SFT2D2: variants seen among roughly 807,000 people sequenced by gnomAD.
The protein encoded by SFT2D2 is vesicle transport protein SFT2B.
Under a neutral mutation model 27.4 loss-of-function variants are expected in SFT2D2, and 21 were observed. The observed-to-expected ratio is 0.77, with a 90% CI of 0.54 to 1.10. The LOEUF is 1.10. Ranked by LOEUF, SFT2D2 falls within the 50% of genes least tolerant of loss-of-function variation. SFT2D2 has a pLI of 0.00. For synonymous variants in SFT2D2, 72 were observed against 71.7 expected (o/e 1.00, Z -0.02); for missense variants, 187 against 194.2 (o/e 0.96, Z 0.22).
Position 168,242,570 on chromosome 1 carries a change from G to A in SFT2D2, c.*30G>A. 2 of 1,614,024 alleles carry A rather than the reference G, an allele frequency of 1.2e-6. No individual in the cohort carries two copies. The highest frequency in any genetic ancestry group is 3.3e-5 in the Admixed American group (2 of 60,028). On this transcript the variant is annotated 3_prime_UTR_variant, in exon 8 of 8. Coordinates refer to ENST00000271375, the MANE Select transcript of SFT2D2 (RefSeq NM_199344.3). Reference sequence around the variant, plus strand: ...TGGCCAGTTTTATGAAGCTTTGGAAGGCACTATGGACAGAAGCTGGTGGAC... The same window carrying A: ...TGGCCAGTTTTATGAAGCTTTGGAAAGCACTATGGACAGAAGCTGGTGGAC...
rs1303687282 is a variant in SFT2D2, at chr1:168,242,778, C to T, written c.*238C>T. 3 of 533,162 alleles carry T rather than the reference C, an allele frequency of 5.6e-6. No individual in the cohort carries two copies. Among genetic ancestry groups the T allele is most frequent in the East Asian group, 3.3e-5 (1 of 30,290 alleles). 33.0% of individuals were successfully genotyped at this position (533,162 alleles called of 1,614,324 possible). A position where few individuals can be genotyped will look rare whatever the true frequency, so the allele number is the denominator to read the frequency against. The stretch of plus-strand genomic sequence containing the variant: ...CTGTATCTTGTGGAGTGGAATCTTC[C>T]TCATGTACCTGTTTCCTCTCTGGAT... On this transcript the variant is annotated 3_prime_UTR_variant, in exon 8 of 8. Coordinates refer to ENST00000271375, the MANE Select transcript of SFT2D2 (RefSeq NM_199344.3).
intron 1 of SFT2D2, among the ~76,000 whole-genome samples, chr1:168,226,405 G>A (rs1397532895): frequency 1.3e-5 from 2 of 152,164 alleles, no homozygotes; most frequent in Non-Finnish European, 2.9e-5. Flanking sequence ...GGACTGAGCT[G>A]CGAGTGGGAG....
chr1:168,240,765 AACCGAGCGTGGTGGCGTGC>A (rs1009269890), intron 7 of SFT2D2, among the ~76,000 whole-genome samples: 1 of 152,046 alleles, frequency 6.6e-6, no homozygotes, highest in Admixed American at 6.5e-5. Context: ...TACCAAAATT[AACCGAGCGTGGTGGCGTGC>A]ACCTGTAATC....
chr1:168,246,615 T>C lies in SFT2D2; in HGVS notation c.*4075T>C, dbSNP rs891786352. ...CCTGTAAATGACGCAATTTATCTAC[T>C]GTGCCCTGGAAATCAAGCTCTTGGT... On this transcript the variant is annotated 3_prime_UTR_variant, in exon 8 of 8. Transcript: ENST00000271375. 3 of 1,465,062 alleles carry C rather than the reference T, an allele frequency of 2.0e-6. No homozygotes were observed. Among genetic ancestry groups the C allele is most frequent in the African/African-American group, 1.4e-5 (1 of 71,984 alleles). The allele number at this position is 1,465,062 out of a possible 1,614,324, so 90.8% of individuals were successfully genotyped here.
At position 168,247,294 on chromosome 1, in the gene SFT2D2, TA is replaced by T; in HGVS notation, c.*4755del. On this transcript the variant is annotated 3_prime_UTR_variant, in exon 8 of 8. Transcript: ENST00000271375. The stretch of plus-strand genomic sequence containing the variant: ...GTGCAGAACATGCGGGTTTGTTACA[TA>T]GGTATACATGTAATGTTATCCCTCC... 1 of 237,242 alleles carries T rather than the reference TA, an allele frequency of 4.2e-6. No individual in the cohort carries two copies. The highest frequency in any genetic ancestry group is 8.1e-6 in the Non-Finnish European group (1 of 122,710). The allele number at this position is 237,242 out of a possible 1,614,324, so 14.7% of individuals were successfully genotyped here.
At chr1:168,226,449 C>G (rs895072962) in intron 1 of SFT2D2, among the ~76,000 whole-genome samples, 1 of 152,164 alleles carries the variant, frequency 6.6e-6, no homozygotes, top group Non-Finnish European at 1.5e-5. Flanking sequence ...CCGGCCCCAC[C>G]GGCCGGGGAA....
Position 168,244,897 on chromosome 1 carries a change from TAATCTC to T in SFT2D2, c.*2359_*2364del, listed in dbSNP as rs1647766887. On this transcript the variant is annotated 3_prime_UTR_variant, in exon 8 of 8. Transcript: ENST00000271375. ...GAACAACCATGCTTTGTTTAAAAAA[TAATCTC>T]AGCAAACTAGGGATACAAGAGAATT... 1 of 152,072 alleles carries T rather than the reference TAATCTC, an allele frequency of 6.6e-6. No homozygotes were observed. Among genetic ancestry groups the T allele is most frequent in the South Asian group, 2.1e-4 (1 of 4,826 alleles). 9.4% of individuals were successfully genotyped at this position (152,072 alleles called of 1,614,324 possible).
Position 168,252,056 on chromosome 1 carries a change from A to T in SFT2D2, c.*9516A>T, listed in dbSNP as rs1005286257. The T allele has an allele frequency of 3.3e-5, 5 of 152,204 alleles. No individual in the cohort carries two copies. The highest frequency in any genetic ancestry group is 7.3e-5 in the Non-Finnish European group (5 of 68,040). 9.4% of individuals were successfully genotyped at this position (152,204 alleles called of 1,614,324 possible). On this transcript the variant is annotated 3_prime_UTR_variant, in exon 8 of 8. Coordinates refer to ENST00000271375, the MANE Select transcript of SFT2D2 (RefSeq NM_199344.3). ...CCTAAATTCATAGTCCCTGATACTT[A>T]AGCTTTACCCTTGGCTTACCAGTTT...
intron 1 of SFT2D2, among the ~76,000 whole-genome samples, chr1:168,230,356 T>C (rs1475824702): frequency 2.0e-5 from 3 of 152,230 alleles, no homozygotes; most frequent in Non-Finnish European, 4.4e-5. Flanking sequence ...TGAATATACA[T>C]GGCCTAGCTG....
At chr1:168,236,477 T>C in intron 4 of SFT2D2, 112 bp from the exon 5 acceptor site, 2 of 1,053,196 alleles carry the variant, frequency 1.9e-6, no homozygotes, top group Non-Finnish European at 2.8e-6. Flanking sequence ...GGTTAACTGC[T>C]TTGAGATGAA....
At chr1:168,233,393 A>G (rs77857842) in intron 3 of SFT2D2, among the ~76,000 whole-genome samples, 1,950 of 152,272 alleles carry the variant, frequency 0.013, 45 homozygotes, top group African/African-American at 0.045. Context: ...CAGTGCAGGT[A>G]GCATTTTATT....
In SFT2D2 at chr1:168,246,315, T is replaced by G. The variant is rs3795609; in HGVS notation, c.*3775T>G. The G allele has an allele frequency of 0.049, 21,482 of 434,382 alleles. 666 individuals carry two copies. The highest frequency in any genetic ancestry group is 0.09 in the Middle Eastern group (128 of 1,428). 26.9% of individuals were successfully genotyped at this position (434,382 alleles called of 1,614,324 possible). On this transcript the variant is annotated 3_prime_UTR_variant, in exon 8 of 8. Coordinates refer to ENST00000271375, the MANE Select transcript of SFT2D2 (RefSeq NM_199344.3). ...AGCTTTGTTGTGAACATCATCCAGT[T>G]GCTGTTGAAGCAACATATTTTGTCT...
intron 3 of SFT2D2, 134 bp from the exon 4 acceptor site, chr1:168,234,967 G>A (rs1217062273): frequency 2.6e-6 from 2 of 771,216 alleles, no homozygotes; most frequent in African/African-American, 1.7e-5. Context: ...TGCACGAAAG[G>A]CCCTTCAGCA....
intron 1 of SFT2D2, among the ~76,000 whole-genome samples, chr1:168,230,565 C>G (rs1572450782): frequency 6.6e-6 from 1 of 151,994 alleles, no homozygotes; most frequent in Non-Finnish European, 1.5e-5. Context: ...CCTCCACCTC[C>G]CAGGTTCAAG....
In SFT2D2 at chr1:168,236,773, A is replaced by AC. The variant is rs1193368095; in HGVS notation, c.413+3_413+4insC. Reference sequence around the variant, plus strand: ...TTGCAGTCTTTGGCATTGACGTGGTAAGTAACCTTTTAAACAATCCCCTCC... The same window carrying AC: ...TTGCAGTCTTTGGCATTGACGTGGTACAGTAACCTTTTAAACAATCCCCTCC... On this transcript the variant is annotated splice_donor_region_variant and intron_variant, in intron 6 of 7. Transcript: ENST00000271375. 6.8e-6 allele frequency: 11 copies of AC among 1,614,096 alleles called. No individual in the cohort carries two copies. The African/African-American group carries it at 1.5e-4, about 22-fold the overall frequency.
chr1:168,226,727 C>A (rs1264434476), intron 1 of SFT2D2, among the ~76,000 whole-genome samples: 1 of 152,242 alleles, frequency 6.6e-6, no homozygotes, highest in African/African-American at 2.4e-5. Context: ...GGGACCACAT[C>A]TTGTGTCTCT....
At chr1:168,231,297 G>A (rs1647272896) in intron 1 of SFT2D2, among the ~76,000 whole-genome samples, 2 of 152,304 alleles carry the variant, frequency 1.3e-5, no homozygotes, top group East Asian at 1.9e-4. Context: ...TCAGCTGGAG[G>A]CACAGCTGTC....
chr1:168,246,662 G>A lies in SFT2D2; in HGVS notation c.*4122G>A. On this transcript the variant is annotated 3_prime_UTR_variant, in exon 8 of 8. Coordinates refer to ENST00000271375, the MANE Select transcript of SFT2D2 (RefSeq NM_199344.3). The stretch of plus-strand genomic sequence containing the variant: ...TGGTCTCTTTCTGTTGAGTGACTTT[G>A]ATCATGATCATGTAGAGCAACATTC... The A allele has an allele frequency of 1.6e-6, 2 of 1,267,098 alleles. No individual in the cohort carries two copies. Among genetic ancestry groups the A allele is most frequent in the Non-Finnish European group, 2.3e-6 (2 of 884,472 alleles). The allele number at this position is 1,267,098 out of a possible 1,614,324, so 78.5% of individuals were successfully genotyped here.
In SFT2D2 at chr1:168,247,249, C is replaced by CT. The variant is rs1647846496; in HGVS notation, c.*4712dup. 1.5e-5 allele frequency: 4 copies of CT among 266,486 alleles called. No homozygotes were observed. The highest frequency in any genetic ancestry group is 4.1e-5 in the South Asian group (1 of 24,608). 16.5% of individuals were successfully genotyped at this position (266,486 alleles called of 1,614,324 possible). On this transcript the variant is annotated 3_prime_UTR_variant, in exon 8 of 8. Transcript: ENST00000271375. ...GAAATACTTCTTTTTTTAAATTATA[C>CT]TTTAAGTTCTGGGGTACATGTGCAG...
Sources: gnomAD v4.1 joint callset for allele counts (sites outside exome capture counted in the v4.1 genomes callset) on GRCh38, gnomAD v4.1.1 for gene constraint, MANE v1.5 for transcripts, NCBI Gene and HGNC (gene_info 2026-07-23, HGNC 2026-07-21) for gene names.